Variants in NBAS observed in about 807,000 individuals in gnomAD.
NBAS encodes the protein NAG/BC035112 fusion.
NBAS carries 219 observed loss-of-function variants against 302.5 expected under a neutral mutation model. The ratio of observed to expected loss-of-function variants is 0.72; its 90% CI spans 0.65 to 0.81. NBAS has a LOEUF of 0.81. NBAS is among the 30% of genes least tolerant of loss of function. NBAS has a pLI of 0.00. For missense variants in NBAS, 2,932 were observed against 2,841.6 expected (o/e 1.03, Z -0.72); for synonymous variants, 1,118 against 1,021.6 (o/e 1.09, Z -1.80).
intron 40 of NBAS, among the ~76,000 whole-genome samples, chr2:15,299,808 A>AAAAAATAGTT (rs1221791224): frequency 2.0e-5 from 3 of 152,234 alleles, no homozygotes; most frequent in Non-Finnish European, 4.4e-5. Context: ...ACATCTGTCT[A>AAAAAATAGTT]AAAAATAGTT....
chr2:14,947,769 T>C, the NBAS span, among the ~76,000 whole-genome samples: 1 of 152,108 alleles, frequency 6.6e-6, no homozygotes, highest in Non-Finnish European at 1.5e-5. Context: ...ATATGGCCTT[T>C]ACTATTTTGA....
intron 50 of NBAS, among the ~76,000 whole-genome samples, chr2:15,183,633 G>C (rs1321329117): frequency 2.0e-5 from 3 of 152,224 alleles, no homozygotes; most frequent in Non-Finnish European, 4.4e-5. Flanking sequence ...AAGATCCAGA[G>C]AGTTTGGGGC....
At chr2:15,038,175 C>T in the NBAS span, among the ~76,000 whole-genome samples, 1 of 139,526 alleles carries the variant, frequency 7.2e-6, no homozygotes, top group Non-Finnish European at 1.5e-5. Context: ...TGCAGTGGTG[C>T]GATCTCAGCT....
chr2:14,781,482 A>G, the NBAS span, among the ~76,000 whole-genome samples: 1 of 152,214 alleles, frequency 6.6e-6, no homozygotes, highest in Non-Finnish European at 1.5e-5. Context: ...CAGGAAAAAA[A>G]AAAAATCCAA....
intron 32 of NBAS, among the ~76,000 whole-genome samples, chr2:15,357,215 G>C (rs1320982628): frequency 6.6e-6 from 1 of 152,088 alleles, no homozygotes. Context: ...TCCAACATAA[G>C]TAAAACCCAA....
At chr2:14,792,672 A>G in the NBAS span, among the ~76,000 whole-genome samples, 1 of 150,952 alleles carries the variant, frequency 6.6e-6, no homozygotes, top group South Asian at 2.1e-4. Context: ...TACCTATGGA[A>G]ATTAAAAAAA....
chr2:15,486,456 G>A (rs1680631574), intron 12 of NBAS, among the ~76,000 whole-genome samples: 1 of 152,244 alleles, frequency 6.6e-6, no homozygotes, highest in South Asian at 2.1e-4. Context: ...TCAGGAACAT[G>A]GAATCAAAGC....
At chr2:15,002,688 G>A in the NBAS span, among the ~76,000 whole-genome samples, 1 of 152,242 alleles carries the variant, frequency 6.6e-6, no homozygotes, top group Non-Finnish European at 1.5e-5. Context: ...CGGCGGGAAG[G>A]CAGCTAAGGC....
chr2:14,914,446 A>G, the NBAS span, among the ~76,000 whole-genome samples: 1 of 152,224 alleles, frequency 6.6e-6, no homozygotes, highest in East Asian at 1.9e-4. Flanking sequence ...CTTCTGCAGA[A>G]GGATGTGATT....
chr2:14,921,064 T>C, the NBAS span, among the ~76,000 whole-genome samples: 3 of 152,226 alleles, frequency 2.0e-5, no homozygotes, highest in Middle Eastern at 0.01. Flanking sequence ...GTCTACCTTT[T>C]GATTTAAAGT....
the NBAS span, among the ~76,000 whole-genome samples, chr2:14,805,635 A>C: frequency 6.6e-6 from 1 of 152,188 alleles, no homozygotes; most frequent in African/African-American, 2.4e-5. Flanking sequence ...TAAACAAGTG[A>C]GATAATAGTG....
chr2:15,182,982 CATAAA>C (rs1360696496), intron 50 of NBAS, among the ~76,000 whole-genome samples: 1 of 151,890 alleles, frequency 6.6e-6, no homozygotes, highest in African/African-American at 2.4e-5. Flanking sequence ...AGTACTCTGA[CATAAA>C]CAATTAGGCA....
chr2:15,325,482 G>C (rs1304541169), intron 38 of NBAS, among the ~76,000 whole-genome samples: 1 of 152,164 alleles, frequency 6.6e-6, no homozygotes, highest in East Asian at 1.9e-4. Context: ...CAGGATTGTG[G>C]TTGCTGAGGG....
the NBAS span, among the ~76,000 whole-genome samples, chr2:14,801,464 C>A: frequency 6.6e-6 from 1 of 152,050 alleles, no homozygotes; most frequent in African/African-American, 2.4e-5. Flanking sequence ...TATTTTCAAT[C>A]TCAGATATTA....
In NBAS at chr2:15,424,327, A is replaced by G. The variant is rs137982469; in HGVS notation, c.2565T>C (p.His855=). The G allele has an allele frequency of 1.3e-4, 216 of 1,614,060 alleles. No individual in the cohort carries two copies. In the African/African-American group the frequency reaches 2.6e-3, roughly 19 times the overall value. The stretch of plus-strand genomic sequence containing the variant: ...CATTTCCCCTCACCTGCCGAGCATA[A>G]TGCTCTATTTCCTCTGCTCTGGTCT... ...WYQTRAEEIE[H]YARQVDCALS... Residue 855 remains histidine, a synonymous_variant, in exon 23 of 52, where the codon CAT becomes CAC. Transcript: ENST00000281513.
chr2:14,874,888 TA>T, the NBAS span, among the ~76,000 whole-genome samples: 2 of 151,858 alleles, frequency 1.3e-5, no homozygotes, highest in South Asian at 2.1e-4. Context: ...ACTAAGAAAC[TA>T]AAAAAACAAA....
At chr2:15,491,599 G>A (rs1365766642) in intron 11 of NBAS, among the ~76,000 whole-genome samples, 1 of 152,210 alleles carries the variant, frequency 6.6e-6, no homozygotes, top group Non-Finnish European at 1.5e-5. Flanking sequence ...AGCCAGGCGT[G>A]GTGGTGGGCG....
chr2:14,878,642 ACT>A, the NBAS span, among the ~76,000 whole-genome samples: 1 of 151,928 alleles, frequency 6.6e-6, no homozygotes, highest in African/African-American at 2.4e-5. Flanking sequence ...TTTTAAGTAG[ACT>A]CTATTTTTAG....
chr2:15,413,043 G>A (rs1314552357), intron 25 of NBAS, among the ~76,000 whole-genome samples: 2 of 152,172 alleles, frequency 1.3e-5, no homozygotes, highest in Non-Finnish European at 2.9e-5. Context: ...GCGCCAATAA[G>A]ATTGCTTTTC....
Sources: allele counts gnomAD v4.1 joint callset (sites outside exome capture counted in the v4.1 genomes callset), GRCh38; gene constraint gnomAD v4.1.1; transcripts MANE v1.5; gene names NCBI Gene and HGNC (gene_info 2026-07-23, HGNC 2026-07-21).